The following GET4 variants were observed in gnomAD, a reference collection of about 807,000 sequenced individuals.
GET4 encodes the protein guided entry of tail-anchored proteins factor 4.
A neutral mutation model predicts 40.0 loss-of-function variants in GET4; 20 were observed. The observed-to-expected ratio is 0.50, with a 90% CI of 0.35 to 0.73. The LOEUF (loss-of-function observed/expected upper bound fraction) is 0.73. GET4 is among the 30% of genes least tolerant of loss of function. GET4 has a pLI of 0.01. For missense variants in GET4, 557 were observed against 454.0 expected (o/e 1.23, Z -2.06); for synonymous variants, 280 against 194.6 (o/e 1.44, Z -3.65).
intron 4 of GET4, among the ~76,000 whole-genome samples, chr7:889,479 G>A (rs1318966088): frequency 2.0e-5 from 3 of 151,936 alleles, no homozygotes; most frequent in African/African-American, 4.8e-5. Flanking sequence ...GCAAGGGGAC[G>A]AGGACTCTGG....
At chr7:887,986 G>A (rs1250824192) in intron 4 of GET4, among the ~76,000 whole-genome samples, 2 of 152,206 alleles carry the variant, frequency 1.3e-5, no homozygotes, top group African/African-American at 2.4e-5. Flanking sequence ...GCTCTGAGGC[G>A]GGAGTGGTGC....
Position 893,970 on chromosome 7 carries a change from C to A in GET4, c.894C>A (p.Leu298=), listed in dbSNP as rs751900171. 1.3e-6 allele frequency: 2 copies of A among 1,587,454 alleles called. No individual in the cohort carries two copies. Among genetic ancestry groups the A allele is most frequent in the Non-Finnish European group, 1.7e-6 (2 of 1,164,744 alleles). Residue 298 remains leucine, a splice_region_variant and synonymous_variant, in exon 8 of 9, where the codon CTC becomes CTA. Transcript: ENST00000265857. ...AGACGTCTTCCTACGGGGGCCTGCT[C>A]GGTAAGCCGGGGCGCCCTTGTCACA... ...PKQTSSYGGL[L]GNLLTSLMGS...
At chr7:892,692 TGTG>T (rs1425235294) in intron 6 of GET4, among the ~76,000 whole-genome samples, 1 of 149,768 alleles carries the variant, frequency 6.7e-6, no homozygotes, top group African/African-American at 2.5e-5. Context: ...CCTCTGGTAG[TGTG>T]GGTGTGTGCA....
intron 1 of GET4, chr7:881,803 T>A (rs962773611): frequency 6.6e-6 from 1 of 152,190 alleles, no homozygotes; most frequent in African/African-American, 2.4e-5. Context: ...CTGACAGTTT[T>A]GTTAAAATGG....
chr7:879,983 G>A (rs920301947), intron 1 of GET4: 1 of 152,176 alleles, frequency 6.6e-6, no homozygotes, highest in African/African-American at 2.4e-5. Context: ...CTGTGTGATG[G>A]GGAACTTTTA....
chr7:883,449 T>A, intron 1 of GET4: 1 of 938,312 alleles, frequency 1.1e-6, no homozygotes. Context: ...GTTCTAATGC[T>A]TGCGTTTCTG....
chr7:890,552 C>G (rs563536740), intron 4 of GET4, among the ~76,000 whole-genome samples: 1 of 152,006 alleles, frequency 6.6e-6, no homozygotes, highest in Admixed American at 6.6e-5. Flanking sequence ...GATCTACATC[C>G]GAGGTGCACT....
chr7:889,681 G>GAGTGGAGGGA (rs1244020399), intron 4 of GET4, among the ~76,000 whole-genome samples: 2 of 143,232 alleles, frequency 1.4e-5, no homozygotes, highest in African/African-American at 5.2e-5. Flanking sequence ...CGGGGTCTGG[G>GAGTGGAGGGA]GCGAGCGGGT....
rs771385459 is a variant in GET4 at position 895,338 on chromosome 7, C to T, written c.900C>T (p.Asn300=). ...QTSSYGGLLG[N]LLTSLMGSSE... ...CCACGGTGTTCTTCTTTCCAGGGAACCTTCTGACCAGCCTCATGGGCTCCT... is the reference window on the plus strand; with the variant it reads ...CCACGGTGTTCTTCTTTCCAGGGAATCTTCTGACCAGCCTCATGGGCTCCT... The change falls in exon 9 of 9, where the codon AAC becomes AAT. Residue 300 remains asparagine (N), a synonymous_variant. Transcript: ENST00000265857. 9.7e-6 allele frequency: 15 copies of T among 1,548,002 alleles called. No homozygotes were observed. Among genetic ancestry groups the T allele is most frequent in the Non-Finnish European group, 1.2e-5 (14 of 1,125,262 alleles).
At position 895,616 on chromosome 7, in the gene GET4, G is replaced by A. The variant is rs2128630492; in HGVS notation, c.*194G>A. The A allele has an allele frequency of 4.5e-6, 2 of 445,502 alleles. No homozygotes were observed. The highest frequency in any genetic ancestry group is 8.1e-6 in the Non-Finnish European group (2 of 248,312). 27.6% of individuals were successfully genotyped at this position (445,502 alleles called of 1,614,324 possible). A position where few individuals can be genotyped will look rare whatever the true frequency, so the allele number is the denominator to read the frequency against. On this transcript the variant is annotated 3_prime_UTR_variant, in exon 9 of 9. Transcript: ENST00000265857. ...TGCTCACTGTGCTGCTGGGACCCAA[G>A]AGTGGGGCGTCGCCCCTGCTGGCCG...
chr7:878,373 G>A (rs1383988927), intron 1 of GET4: 3 of 471,002 alleles, frequency 6.4e-6, no homozygotes, highest in South Asian at 4.6e-5. Flanking sequence ...ATCTCTTATG[G>A]TTCAGGTCAG....
Position 895,582 on chromosome 7 carries a change from C to T in GET4, c.*160C>T, listed in dbSNP as rs944272957. ...GTTTCTGTGCGGCGGCTCAGGGTGG[C>T]GCGGCTGCTGCTCACTGTGCTGCTG... On this transcript the variant is annotated 3_prime_UTR_variant, in exon 9 of 9. Transcript: ENST00000265857. 1.2e-4 allele frequency: 57 copies of T among 494,378 alleles called. No individual in the cohort carries two copies. Among genetic ancestry groups the T allele is most frequent in the Middle Eastern group, 5.3e-4 (1 of 1,884 alleles). The allele number at this position is 494,378 out of a possible 1,614,324, so 30.6% of individuals were successfully genotyped here.
chr7:890,951 T>C lies in GET4; in HGVS notation c.490T>C (p.Tyr164His). ...WKEQNYCESR[Y>H]HFLHSADGEG... ...AGAACAAAACTATTGTGAGTCGAGG[T>C]ATCATTTTCTGCACTCAGCGGACGG... Residue 164 changes from tyrosine (Y) to histidine (H), a missense_variant, in exon 5 of 9, where the codon TAT becomes CAT. By Grantham distance (83) the Tyr-to-His change is moderately conservative (BLOSUM62 2). Transcript: ENST00000265857. 6.2e-7 allele frequency: 1 copy of C among 1,607,094 alleles called. No homozygotes were observed.
Position 887,409 on chromosome 7 carries a change from C to T in GET4, c.356C>T (p.Ser119Phe). 6.2e-7 allele frequency: 1 copy of T among 1,602,424 alleles called. No individual in the cohort carries two copies. The highest frequency in any genetic ancestry group is 8.5e-7 in the Non-Finnish European group (1 of 1,172,944). The part of the protein sequence containing the change: ...AKVFSLMDPN[S>F]PERVTFVSRA... Reference sequence around the variant, plus strand: ...GTGTTCAGCCTGATGGACCCCAACTCTCCTGAGCGCGTGACCTTTGTGTCC... The same window carrying T: ...GTGTTCAGCCTGATGGACCCCAACTTTCCTGAGCGCGTGACCTTTGTGTCC... Residue 119 changes from serine to phenylalanine, a missense_variant, in exon 4 of 9, where the codon TCT becomes TTT. Coordinates refer to ENST00000265857, the MANE Select transcript of GET4 (RefSeq NM_015949.3).
At chr7:886,673 CGGG>C (rs1423893248) in intron 3 of GET4, 23 bp downstream of exon 3, 2 of 1,556,942 alleles carry the variant, frequency 1.3e-6, no homozygotes, top group African/African-American at 2.7e-5. Flanking sequence ...CCCTTCACCC[CGGG>C]ACCCTGTGAC....
intron 1 of GET4, among the ~76,000 whole-genome samples, chr7:877,261 TCTCCCGGCCC>T (rs1432467230): frequency 7.9e-5 from 11 of 139,174 alleles, no homozygotes; most frequent in East Asian, 2.2e-4. Flanking sequence ...CTCCCCGGCC[TCTCCCGGCCC>T]CTCGTCTCTC....
rs113047240 is a variant in GET4, at chr7:889,711, C to T, written c.467-1217C>T. 6.2e-3 allele frequency among the ~76,000 whole-genome samples: 629 copies of T among 101,356 alleles called. 3 individuals carry two copies. Among genetic ancestry groups the T allele is most frequent in the Middle Eastern group, 0.025 (3 of 122 alleles). 66.5% of individuals were successfully genotyped at this position (101,356 alleles called of 152,430 possible). A position where few individuals can be genotyped will look rare whatever the true frequency, so the allele number is the denominator to read the frequency against. Reference sequence around the variant, plus strand: ...GCGGGTGTTAGGACGGGCCTGGGAGCGGAGGGAGTGCGAGCGGGTGTTAGG... The same window carrying T: ...GCGGGTGTTAGGACGGGCCTGGGAGTGGAGGGAGTGCGAGCGGGTGTTAGG... On this transcript the variant is annotated intron_variant, in intron 4 of 8. Transcript: ENST00000265857.
At chr7:878,976 A>ACCCC (rs11294677) in intron 1 of GET4, among the ~76,000 whole-genome samples, 2 of 149,828 alleles carry the variant, frequency 1.3e-5, no homozygotes, top group East Asian at 2.0e-4. Context: ...CCCCACAGAC[A>ACCCC]CCCCCCCCCG....
In GET4 at chr7:895,408, A is replaced by G; in HGVS notation, c.970A>G (p.Ile324Val). The G allele has an allele frequency of 6.3e-7, 1 of 1,578,208 alleles. No homozygotes were observed. The highest frequency in any genetic ancestry group is 8.7e-7 in the Non-Finnish European group (1 of 1,149,242). The change falls in exon 9 of 9, where the codon ATC becomes GTC. Residue 324 changes from isoleucine (I) to valine (V), a missense_variant. Physicochemically the swap from Ile to Val is conservative, Grantham distance 29 (BLOSUM62 3). Coordinates refer to ENST00000265857, the MANE Select transcript of GET4 (RefSeq NM_015949.3). The part of the protein sequence containing the change: ...GEESPSDGSP[I>V]ELD ...GGAGAGCCCCAGCGACGGCAGCCCC[A>G]TCGAGCTGGACTGAACTGGCCAGGC...
Sources: allele counts gnomAD v4.1 joint callset (sites outside exome capture counted in the v4.1 genomes callset), GRCh38; gene constraint gnomAD v4.1.1; transcripts MANE v1.5; gene names NCBI Gene and HGNC (gene_info 2026-07-23, HGNC 2026-07-21).